The following SERPINB6 variants were observed in gnomAD, a reference collection of about 807,000 sequenced individuals.
The protein encoded by SERPINB6 is serpin family B member 6.
Under a neutral mutation model 26.1 loss-of-function variants are expected in SERPINB6, and 16 were observed. That is an observed-to-expected ratio of 0.61 (90% CI 0.42 to 0.93). The LOEUF is 0.93. Ranked by LOEUF, SERPINB6 falls within the 40% of genes least tolerant of loss-of-function variation. The pLI, the probability that SERPINB6 is intolerant of heterozygous loss-of-function variation, is 0.00. For missense variants in SERPINB6, 420 were observed against 478.0 expected, an observed-to-expected ratio of 0.88 and a Z score of 1.13; for synonymous variants, 174 against 176.6, an observed-to-expected ratio of 0.99 and a Z score of 0.11.
At chr6:2,954,258 A>T (rs2113181799) in intron 4 of SERPINB6, among the ~76,000 whole-genome samples, 1 of 152,284 alleles carries the variant, frequency 6.6e-6, no homozygotes, top group Non-Finnish European at 1.5e-5. Context: ...CGAATTTTTT[A>T]TGTTACTTGT....
chr6:2,954,373 ACACCAAGGAAACAGGGAGAAAT>A (rs1272838765), intron 4 of SERPINB6, among the ~76,000 whole-genome samples, 197 bp downstream of exon 4: 2 of 152,238 alleles, frequency 1.3e-5, no homozygotes, highest in African/African-American at 4.8e-5. Flanking sequence ...CATCACGGGT[ACACCAAGGAAACAGGGAGAAAT>A]CAGAGAGAAC....
At chr6:2,954,846 T>G in intron 3 of SERPINB6, 137 bp from the exon 4 acceptor site, 1 of 689,732 alleles carries the variant, frequency 1.4e-6, no homozygotes, top group South Asian at 1.6e-5. Context: ...TATGAGGACT[T>G]AACCTAAACT....
Position 2,959,218 on chromosome 6 carries a change from C to T in SERPINB6, c.115G>A (p.Ala39Thr). 1.9e-6 allele frequency: 3 copies of T among 1,614,186 alleles called. No homozygotes were observed. The highest frequency in any genetic ancestry group is 2.5e-6 in the Non-Finnish European group (3 of 1,180,036). Residue 39 changes from alanine (A) to threonine (T), a missense_variant, in exon 2 of 7, where the codon GCC becomes ACC. Transcript: ENST00000380539. ...CCCTTTGCCCCCATGTAGACCATGG[C>T]CAGGGCACAGGACATGCTCATGGGT... ...FSPMSMSCAL[A>T]MVYMGAKGNT...
At chr6:2,955,499 G>C in intron 3 of SERPINB6, 25 bp downstream of exon 3, 2 of 1,614,094 alleles carry the variant, frequency 1.2e-6, no homozygotes, top group South Asian at 2.2e-5. Context: ...TATTTCTTTA[G>C]TGAATAAGAG....
chr6:2,959,973 C>A (rs1380659578), intron 1 of SERPINB6: 1 of 166,186 alleles, frequency 6.0e-6, no homozygotes, highest in Non-Finnish European at 1.3e-5. Context: ...GGACATCCTG[C>A]TGCAACAAGC....
At position 2,959,279 on chromosome 6, in the gene SERPINB6, C is replaced by T. The variant is rs2236277; in HGVS notation, c.54G>A (p.Thr18=). ...NGTFALNLLK[T]LGKDNSKNVF... is the part of the protein sequence containing the mutation. ...CATTCTTCGAGTTGTCTTTACCCAG[C>T]GTTTTCAAAAGGTTTAAGGCAAAGG... The change falls in exon 2 of 7, where the codon ACG becomes ACA. Residue 18 remains threonine (T), a synonymous_variant. Coordinates refer to ENST00000380539, the MANE Select transcript of SERPINB6 (RefSeq NM_004568.6). The T allele has an allele frequency of 0.32, 511,408 of 1,613,822 alleles. 83,768 individuals are homozygous for T. Among genetic ancestry groups the T allele is most frequent in the East Asian group, 0.5 (22,349 of 44,872 alleles).
chr6:2,962,190 G>A, intron 1 of SERPINB6: 1 of 985,476 alleles, frequency 1.0e-6, no homozygotes, highest in Non-Finnish European at 1.2e-6. Flanking sequence ...CTGGGGAGGT[G>A]CCTGTCTGGC....
At chr6:2,953,210 C>CG in intron 4 of SERPINB6, 24 bp from the exon 5 acceptor site, 1 of 1,614,032 alleles carries the variant, frequency 6.2e-7, no homozygotes, top group Non-Finnish European at 8.5e-7. Flanking sequence ...TTCAAGACCG[C>CG]ATTAGATAGG....
chr6:2,961,852 C>T (rs559066557), intron 1 of SERPINB6: 71 of 984,534 alleles, frequency 7.2e-5, no homozygotes, highest in Non-Finnish European at 8.2e-5. Flanking sequence ...ACTATTCTAC[C>T]GTCAGCACAC....
intron 1 of SERPINB6, chr6:2,959,925 C>G (rs537159171): frequency 5.9e-6 from 1 of 169,824 alleles, no homozygotes; most frequent in East Asian, 1.7e-4. Flanking sequence ...TAGGAAATCC[C>G]TGCAGGTGGC....
Position 2,948,328 on chromosome 6 carries a change from A to G in SERPINB6, c.1101T>C (p.Ile367=). Reference sequence around the variant, plus strand: ...GAGAGGAAAAGCGGCCGCAGAAGAGAATCCCGTTGGTCTTGCTGTGCTGGA... The same window carrying G: ...GAGAGGAAAAGCGGCCGCAGAAGAGGATCCCGTTGGTCTTGCTGTGCTGGA... ...FFIQHSKTNG[I]LFCGRFSSP The change falls in exon 7 of 7, where the codon ATT becomes ATC. Residue 367 remains isoleucine, a synonymous_variant. Coordinates refer to ENST00000380539, the MANE Select transcript of SERPINB6 (RefSeq NM_004568.6). The surrounding 1 kb of genome is among the most constrained non-coding windows in gnomAD (Gnocchi z 5.0). 1 of 1,613,972 alleles carries G rather than the reference A, an allele frequency of 6.2e-7. No homozygotes were observed. The highest frequency in any genetic ancestry group is 8.5e-7 in the Non-Finnish European group (1 of 1,179,996).
intron 1 of SERPINB6, among the ~76,000 whole-genome samples, chr6:2,962,657 C>G (rs1771242184): frequency 6.6e-6 from 1 of 152,210 alleles, no homozygotes; most frequent in Non-Finnish European, 1.5e-5. Context: ...GAAAACACTG[C>G]TGACAGCCGT....
intron 1 of SERPINB6, chr6:2,959,631 G>A: frequency 2.2e-6 from 1 of 456,190 alleles, no homozygotes; most frequent in Non-Finnish European, 4.0e-6. Flanking sequence ...CCCTTTCCTG[G>A]AGTCTCTTCC....
intron 1 of SERPINB6, chr6:2,969,102 C>T: frequency 7.5e-6 from 8 of 1,066,192 alleles, no homozygotes; most frequent in Non-Finnish European, 9.1e-6. Flanking sequence ...AGATCCAAAT[C>T]CTAAAAGGAA....
rs2113333593 is a variant in SERPINB6 at position 2,966,419 on chromosome 6, A to G, written c.-11+5114T>C. 5.1e-6 allele frequency: 5 copies of G among 986,868 alleles called. No individual in the cohort carries two copies. The South Asian group carries it at 2.3e-4, about 46-fold the overall frequency. The allele number at this position is 986,868 out of a possible 1,614,324, so 61.1% of individuals were successfully genotyped here. A position where few individuals can be genotyped will look rare whatever the true frequency, so the allele number is the denominator to read the frequency against. ...ACTTACTTTATATGCAGGAGTCCCC[A>G]GCAGATCCGTCTGTGGTCTGTTAGG... On this transcript the variant is annotated intron_variant, in intron 1 of 6. Transcript: ENST00000380539.
chr6:2,950,593 C>T (rs965404587), intron 5 of SERPINB6, among the ~76,000 whole-genome samples: 7 of 149,962 alleles, frequency 4.7e-5, no homozygotes, highest in South Asian at 2.1e-4. Flanking sequence ...AATGCATAAA[C>T]GAATTAATGA....
At position 2,951,198 on chromosome 6, in the gene SERPINB6, C is replaced by CA. The variant is rs1430128989; in HGVS notation, c.573+1845dup. On this transcript the variant is annotated intron_variant, in intron 5 of 6. Transcript: ENST00000380539. ...GTCAGGAGTTCGAGACCAACCTGACCAACATGGTGAAACCCCGTCTCTACT... is the reference window on the plus strand; with the variant it reads ...GTCAGGAGTTCGAGACCAACCTGACCAAACATGGTGAAACCCCGTCTCTACT... Among the ~76,000 whole-genome samples, 10 of 152,072 alleles carry CA rather than the reference C, an allele frequency of 6.6e-5. No homozygotes were observed. In the South Asian group the frequency reaches 1.9e-3, roughly 28 times the overall value.
chr6:2,949,417 C>A (rs1769524974), intron 5 of SERPINB6, among the ~76,000 whole-genome samples: 1 of 152,230 alleles, frequency 6.6e-6, no homozygotes, highest in South Asian at 2.1e-4. Flanking sequence ...ATAAAAGAAA[C>A]TCCCAGCGCC....
Position 2,948,615 on chromosome 6 carries a change from G to A in SERPINB6, c.814C>T (p.Pro272Ser). Residue 272 changes from proline (P) to serine (S), a missense_variant, in exon 7 of 7, where the codon CCG (proline) becomes TCG (serine). Pro to Ser is a moderately conservative substitution (Grantham distance 74). Transcript: ENST00000380539. The surrounding 1 kb of genome is among the most constrained non-coding windows in gnomAD (Gnocchi z 5.0). Reference sequence around the variant, plus strand: ...TAGCTTTCCTCTAGTTTAAACCGCGGGAGGGACACTTCCACCTCCTCTTCA... The same window carrying A: ...TAGCTTTCCTCTAGTTTAAACCGCGAGAGGGACACTTCCACCTCCTCTTCA... Reference protein sequence around the residue: ...MDEEEVEVSLPRFKLEESYDM... With the variant: ...MDEEEVEVSLSRFKLEESYDM... The A allele has an allele frequency of 6.2e-7, 1 of 1,614,140 alleles. No individual in the cohort carries two copies. Among genetic ancestry groups the A allele is most frequent in the East Asian group, 2.2e-5 (1 of 44,890 alleles).
Sources: gnomAD v4.1 joint callset for allele counts (sites outside exome capture counted in the v4.1 genomes callset) on GRCh38, gnomAD v4.1.1 for gene constraint, Gnocchi (gnomAD v3.1) non-coding constraint, MANE v1.5 for transcripts, NCBI Gene and HGNC (gene_info 2026-07-23, HGNC 2026-07-21) for gene names.